EMG1: variants seen among roughly 807,000 people sequenced by gnomAD.
EMG1 encodes EMG1 N1-specific pseudouridine methyltransferase.
In EMG1, 24 loss-of-function variants were observed where a neutral mutation model predicts 26.9. The ratio of observed to expected loss-of-function variants is 0.89; its 90% CI spans 0.65 to 1.26. The LOEUF is 1.26. Ranked by LOEUF, EMG1 falls within the 50% of genes most tolerant of loss-of-function variation. The pLI is 0.00. For missense variants in EMG1, 299 were observed against 307.6 expected, an observed-to-expected ratio of 0.97 and a Z score of 0.21; for synonymous variants, 140 against 112.6, an observed-to-expected ratio of 1.24 and a Z score of -1.54.
At chr12:6,989,472 A>G (rs12830790), downstream of EMG1, among the ~76,000 whole-genome samples, 2 of 151,856 alleles carry the variant, frequency 1.3e-5, no homozygotes, top group South Asian at 2.1e-4. Flanking sequence ...CATCACGCCC[A>G]GCTAATTTTT....
intron 5 of EMG1, 80 bp from the exon 6 acceptor site, chr12:6,975,616 C>T (rs1946385748): frequency 1.9e-6 from 2 of 1,057,374 alleles, no homozygotes; most frequent in Non-Finnish European, 3.0e-6. Flanking sequence ...ACTAGCTCAG[C>T]CATAGTTTTC....
intron 3 of EMG1, 99 bp from the exon 4 acceptor site, chr12:6,974,991 C>T: frequency 1.6e-6 from 2 of 1,213,342 alleles, no homozygotes; most frequent in Non-Finnish European, 2.4e-6. Flanking sequence ...ATAAAGCACA[C>T]AGGGAACTCA....
At chr12:6,980,659 A>G (rs1946460834), downstream of EMG1, 2 of 163,138 alleles carry the variant, frequency 1.2e-5, no homozygotes, top group African/African-American at 2.4e-5. Flanking sequence ...CCCAGCCTCT[A>G]TCTACCTACC....
chr12:6,985,595 A>G (rs218747), intron 6 of EMG1, among the ~76,000 whole-genome samples: 4 of 141,548 alleles, frequency 2.8e-5, no homozygotes, highest in South Asian at 2.3e-4. Context: ...GGTGCCTGTA[A>G]TCCCAGCTAC....
intron 1 of EMG1, 29 bp downstream of exon 1, chr12:6,971,120 GTAAATC>G: frequency 6.3e-7 from 1 of 1,591,188 alleles, no homozygotes; most frequent in Non-Finnish European, 8.6e-7. Flanking sequence ...TGGAGAAGTA[GTAAATC>G]GATAGGTTGG....
At chr12:6,990,725 C>A (rs180810106), downstream of EMG1, among the ~76,000 whole-genome samples, 1 of 150,652 alleles carries the variant, frequency 6.6e-6, no homozygotes, top group Non-Finnish European at 1.5e-5. Context: ...GAGTTTGAGA[C>A]CATCCTGGCC....
intron 7 of EMG1, among the ~76,000 whole-genome samples, chr12:6,996,965 G>A (rs188135755): frequency 1.9e-4 from 29 of 152,130 alleles, no homozygotes; most frequent in Non-Finnish European, 1.6e-4. Context: ...TAACAAAATG[G>A]ATGGGAAAGT....
chr12:6,977,562 C>A lies in EMG1; in HGVS notation c.*1753C>A. 1 of 1,614,140 alleles carries A rather than the reference C, an allele frequency of 6.2e-7. No homozygotes were observed. The highest frequency in any genetic ancestry group is 8.5e-7 in the Non-Finnish European group (1 of 1,180,010). ...GGAGGAGCTCATCAGCATCTTGTCC[C>A]TTATATTCCCCTTCACCCCCACCCT... On this transcript the variant is annotated 3_prime_UTR_variant, in exon 6 of 6. Transcript: ENST00000599672. This position sits in a 1 kb window ranked among gnomAD's most constrained non-coding sequence, Gnocchi z 4.5.
chr12:6,991,656 C>A (rs1946591172), downstream of EMG1, among the ~76,000 whole-genome samples: 1 of 152,164 alleles, frequency 6.6e-6, no homozygotes. Flanking sequence ...CATTTGTTTA[C>A]CTTGAAGTGA....
Position 6,974,367 on chromosome 12 carries a change from G to A in EMG1, c.197G>A (p.Cys66Tyr), listed in dbSNP as rs1464487209. ...KVGKTYELLN[C>Y]DKHKSILLKN... ...GGGAAGACATATGAGCTACTCAACT[G>A]TGACAAGCACAAGTCTATATTGTTG... The change falls in exon 2 of 6, where the codon TGT becomes TAT. Residue 66 changes from cysteine to tyrosine, a missense_variant. Physicochemically the swap from Cys to Tyr is radical, Grantham distance 194. Transcript: ENST00000599672. The A allele has an allele frequency of 1.9e-6, 3 of 1,613,564 alleles. No homozygotes were observed. Among genetic ancestry groups the A allele is most frequent in the Admixed American group, 1.7e-5 (1 of 59,950 alleles).
Position 6,977,656 on chromosome 12 carries a change from T to C in EMG1, c.*1847T>C. On this transcript the variant is annotated 3_prime_UTR_variant, in exon 6 of 6. Coordinates refer to ENST00000599672, the MANE Select transcript of EMG1 (RefSeq NM_006331.8). This position sits in a 1 kb window ranked among gnomAD's most constrained non-coding sequence, Gnocchi z 4.5. ...CTGGAAGCAGACCAGGTATCCTGAG[T>C]GCAGGCCGTGCCAGAGGGCCAGGAA... 6.2e-7 allele frequency: 1 copy of C among 1,614,166 alleles called. No homozygotes were observed. Among genetic ancestry groups the C allele is most frequent in the Non-Finnish European group, 8.5e-7 (1 of 1,180,024 alleles).
Position 6,975,733 on chromosome 12 carries a change from G to A in EMG1, c.659G>A (p.Ser220Asn), listed in dbSNP as rs781792612. ...TATACAGAGAAGATGGTGTCCATCA[G>A]TAACTACCCCCTTTCTGCTGCCCTC... ...VEYTEKMVSI[S>N]NYPLSAALTC... The change falls in exon 6 of 6, where the codon AGT becomes AAT. Residue 220 changes from serine to asparagine, a missense_variant. Coordinates refer to ENST00000599672, the MANE Select transcript of EMG1 (RefSeq NM_006331.8). The A allele has an allele frequency of 7.4e-6, 12 of 1,613,428 alleles. No individual in the cohort carries two copies. The East Asian group carries it at 2.2e-4, about 30-fold the overall frequency.
Position 6,975,784 on chromosome 12 carries a change from T to C in EMG1, c.710T>C (p.Phe237Ser), listed in dbSNP as rs1946390857. ...ACCTGTGCAAAACTTACCACAGCCT[T>C]TGAGGAAGTATGGGGGGTCATTTGA... ...ALTCAKLTTA[F>S]EEVWGVI The change falls in exon 6 of 6, where the codon TTT (phenylalanine) becomes TCT (serine). Residue 237 changes from phenylalanine (F) to serine (S), a missense_variant. Physicochemically the swap from Phe to Ser is radical, Grantham distance 155. Coordinates refer to ENST00000599672, the MANE Select transcript of EMG1 (RefSeq NM_006331.8). 6.2e-7 allele frequency: 1 copy of C among 1,611,170 alleles called. No individual in the cohort carries two copies. Among genetic ancestry groups the C allele is most frequent in the Non-Finnish European group, 8.5e-7 (1 of 1,177,344 alleles).
At position 6,975,804 on chromosome 12, in the gene EMG1, A is replaced by AT; in HGVS notation, c.733dup (p.Ter245LeufsTer24). On this transcript the variant is annotated frameshift_variant, in exon 6 of 6. Transcript: ENST00000599672. LOFTEE classifies it high-confidence loss of function. Reference sequence around the variant, plus strand: ...AGCCTTTGAGGAAGTATGGGGGGTCATTTGACAGTAGTAGAACCTGTTCTG... The same window carrying AT: ...AGCCTTTGAGGAAGTATGGGGGGTCATTTTGACAGTAGTAGAACCTGTTCTG... 1.3e-6 allele frequency: 2 copies of AT among 1,588,452 alleles called. No homozygotes were observed. The highest frequency in any genetic ancestry group is 2.2e-5 in the South Asian group (2 of 90,572).
downstream of EMG1, chr12:6,981,805 A>G (rs1946474521): frequency 6.2e-7 from 1 of 1,609,082 alleles, no homozygotes; most frequent in African/African-American, 1.3e-5. Context: ...AGTGACCATC[A>G]CTCACCAATC....
chr12:6,979,578 T>A lies in EMG1; in HGVS notation c.*3769T>A. On this transcript the variant is annotated 3_prime_UTR_variant, in exon 6 of 6. Coordinates refer to ENST00000599672, the MANE Select transcript of EMG1 (RefSeq NM_006331.8). ...CTCAGGCGCTTGAGAGCAGGAATGA[T>A]GCTGGAAAGGAACGAGTGAAGTTCC... The A allele has an allele frequency of 2.5e-6, 4 of 1,608,098 alleles. No individual in the cohort carries two copies. Among genetic ancestry groups the A allele is most frequent in the Non-Finnish European group, 3.4e-6 (4 of 1,174,488 alleles).
intron 5 of EMG1, 56 bp downstream of exon 5, chr12:6,975,434 T>G: frequency 6.6e-7 from 1 of 1,512,342 alleles, no homozygotes; most frequent in South Asian, 1.3e-5. Flanking sequence ...AGTATAGAAT[T>G]CCCAGAGCAG....
Position 6,977,241 on chromosome 12 carries a change from G to A in EMG1, c.*1432G>A. On this transcript the variant is annotated 3_prime_UTR_variant, in exon 6 of 6. Coordinates refer to ENST00000599672, the MANE Select transcript of EMG1 (RefSeq NM_006331.8). The surrounding 1 kb of genome is among the most constrained non-coding windows in gnomAD (Gnocchi z 4.5). Reference sequence around the variant, plus strand: ...AGGCTCAGGAAGAAGATGTGGCCAAGGAAATAGATGGATTTATACACCTGT... The same window carrying A: ...AGGCTCAGGAAGAAGATGTGGCCAAAGAAATAGATGGATTTATACACCTGT... 2 of 1,613,734 alleles carry A rather than the reference G, an allele frequency of 1.2e-6. No homozygotes were observed. Among genetic ancestry groups the A allele is most frequent in the African/African-American group, 2.7e-5 (2 of 75,048 alleles).
chr12:6,978,549 T>C lies in EMG1; in HGVS notation c.*2740T>C, dbSNP rs56157656. 0.12 allele frequency: 194,698 copies of C among 1,612,722 alleles called. 20,481 individuals carry two copies. The highest frequency in any genetic ancestry group is 0.57 in the African/African-American group (42,823 of 74,964). Reference sequence around the variant, plus strand: ...CAGTTAGGGCTCTTGCCACTCCCCATACTGGCCCCCATGGCTTGTCTAAAT... The same window carrying C: ...CAGTTAGGGCTCTTGCCACTCCCCACACTGGCCCCCATGGCTTGTCTAAAT... On this transcript the variant is annotated 3_prime_UTR_variant, in exon 6 of 6. Coordinates refer to ENST00000599672, the MANE Select transcript of EMG1 (RefSeq NM_006331.8).
Sources: gnomAD v4.1 joint callset for allele counts (sites outside exome capture counted in the v4.1 genomes callset) on GRCh38, gnomAD v4.1.1 for gene constraint, Gnocchi (gnomAD v3.1) non-coding constraint, MANE v1.5 for transcripts, NCBI Gene and HGNC (gene_info 2026-07-23, HGNC 2026-07-21) for gene names.